Variants in ATRNL1 observed in about 807,000 individuals in gnomAD.
The protein encoded by ATRNL1 is attractin-like protein 1.
A neutral mutation model predicts 182.7 loss-of-function variants in ATRNL1; 95 were observed. The ratio of observed to expected loss-of-function variants is 0.52; its 90% CI spans 0.44 to 0.62. ATRNL1 has a LOEUF of 0.62. Among genes scored for constraint, ATRNL1 ranks in the 20% least tolerant of loss-of-function variants. ATRNL1 has a pLI of 0.00. For missense variants in ATRNL1, 1,471 were observed against 1,679.5 expected (o/e 0.88, Z 2.17); for synonymous variants, 576 against 568.3 (o/e 1.01, Z -0.19).
intron 20 of ATRNL1, among the ~76,000 whole-genome samples, chr10:115,401,573 C>G (rs1844565328): frequency 6.6e-6 from 1 of 152,084 alleles, no homozygotes; most frequent in Non-Finnish European, 1.5e-5. Context: ...AAATAATTCC[C>G]TAGCTTAAAA....
At chr10:115,464,903 T>C (rs1304732775) in intron 22 of ATRNL1, among the ~76,000 whole-genome samples, 12 of 151,634 alleles carry the variant, frequency 7.9e-5, no homozygotes, top group African/African-American at 2.9e-4. Flanking sequence ...TGGGTGAAGA[T>C]GAAGATGAAG....
intron 21 of ATRNL1, among the ~76,000 whole-genome samples, chr10:115,431,431 A>G (rs933229110): frequency 3.6e-4 from 54 of 151,160 alleles, no homozygotes; most frequent in African/African-American, 1.3e-3. Context: ...AAAAGAAAAG[A>G]TATAATATTC....
chr10:115,253,938 A>G (rs1311796395), intron 10 of ATRNL1, among the ~76,000 whole-genome samples: 3 of 152,090 alleles, frequency 2.0e-5, no homozygotes, highest in Non-Finnish European at 2.9e-5. Flanking sequence ...TTCCAGCTTC[A>G]TCCATGTCCC....
At chr10:115,673,784 A>G (rs1945775228) in intron 26 of ATRNL1, among the ~76,000 whole-genome samples, 1 of 152,034 alleles carries the variant, frequency 6.6e-6, no homozygotes, top group South Asian at 2.1e-4. Flanking sequence ...ATGTGGACTG[A>G]CCTTACCAAC....
chr10:115,659,505 T>G (rs1860541029), intron 26 of ATRNL1, among the ~76,000 whole-genome samples: 1 of 152,262 alleles, frequency 6.6e-6, no homozygotes, highest in South Asian at 2.1e-4. Flanking sequence ...TCCATGTAAG[T>G]TATGCCAGCA....
intron 20 of ATRNL1, among the ~76,000 whole-genome samples, chr10:115,396,362 G>T (rs1166154919): frequency 2.0e-5 from 3 of 151,862 alleles, no homozygotes; most frequent in Non-Finnish European, 2.9e-5. Flanking sequence ...TATAAGTAAG[G>T]CCAACTTCAT....
chr10:115,188,737 G>A (rs1370653969), intron 8 of ATRNL1, among the ~76,000 whole-genome samples: 1 of 41,340 alleles, frequency 2.4e-5, no homozygotes, highest in East Asian at 2.7e-4. Context: ...TTAATATCAC[G>A]TTTTTAAAAA....
chr10:115,372,678 ACT>A, intron 19 of ATRNL1, among the ~76,000 whole-genome samples: 1 of 152,018 alleles, frequency 6.6e-6, no homozygotes. Flanking sequence ...AGATCAATAG[ACT>A]CTATGGTTAT....
chr10:115,905,915 A>G (rs1055710492), intron 28 of ATRNL1, among the ~76,000 whole-genome samples: 7 of 152,228 alleles, frequency 4.6e-5, no homozygotes, highest in Admixed American at 6.5e-5. Context: ...TCAAGCTTCT[A>G]TATCAGCTTA....
At chr10:115,227,376 G>A (rs573956578) in intron 9 of ATRNL1, among the ~76,000 whole-genome samples, 2 of 152,110 alleles carry the variant, frequency 1.3e-5, no homozygotes, top group Admixed American at 6.6e-5. Flanking sequence ...AGTCAGAATG[G>A]CTATTTTTAA....
intron 27 of ATRNL1, among the ~76,000 whole-genome samples, chr10:115,769,868 T>TA (rs1948944105): frequency 6.6e-6 from 1 of 152,168 alleles, no homozygotes; most frequent in Admixed American, 6.5e-5. Context: ...TTCTTACTGC[T>TA]AAAATCTGTG....
At chr10:115,896,412 G>A (rs968342058) in intron 28 of ATRNL1, among the ~76,000 whole-genome samples, 10 of 151,812 alleles carry the variant, frequency 6.6e-5, no homozygotes, top group Middle Eastern at 3.4e-3. Context: ...AGTGTAAATA[G>A]TTATCCTTTT....
intron 27 of ATRNL1, among the ~76,000 whole-genome samples, chr10:115,779,108 C>G (rs1949200847): frequency 2.0e-5 from 3 of 152,168 alleles, no homozygotes; most frequent in African/African-American, 4.8e-5. Flanking sequence ...CAATGTCCCC[C>G]ACCTGGTAGG....
intron 19 of ATRNL1, among the ~76,000 whole-genome samples, chr10:115,384,704 A>G (rs1228843663): frequency 6.6e-6 from 1 of 152,158 alleles, no homozygotes; most frequent in African/African-American, 2.4e-5. Context: ...TGGGTCATAC[A>G]AAAGTAAAAG....
intron 26 of ATRNL1, among the ~76,000 whole-genome samples, chr10:115,684,145 G>A (rs2133956895): frequency 6.6e-6 from 1 of 151,436 alleles, no homozygotes; most frequent in African/African-American, 2.4e-5. Context: ...TAGATACCTG[G>A]TAATTTCTGT....
At chr10:115,156,643 G>A (rs1361922985) in intron 5 of ATRNL1, among the ~76,000 whole-genome samples, 3 of 152,052 alleles carry the variant, frequency 2.0e-5, no homozygotes, top group Admixed American at 6.6e-5. Flanking sequence ...TTTTAAAACT[G>A]TGCATAACCT....
At chr10:115,286,607 C>G (rs1016921936) in intron 15 of ATRNL1, among the ~76,000 whole-genome samples, 3 of 151,982 alleles carry the variant, frequency 2.0e-5, no homozygotes, top group Admixed American at 1.3e-4. Context: ...GAGTAAACCA[C>G]TGTATTACCT....
chr10:115,122,311 T>C (rs1460890599), intron 3 of ATRNL1, among the ~76,000 whole-genome samples: 1 of 151,840 alleles, frequency 6.6e-6, no homozygotes, highest in Non-Finnish European at 1.5e-5. Context: ...AATATTTTAT[T>C]GTTAGTCGTA....
intron 1 of ATRNL1, among the ~76,000 whole-genome samples, chr10:115,102,566 C>T (rs541285886): frequency 1.3e-5 from 2 of 152,246 alleles, no homozygotes; most frequent in Admixed American, 6.5e-5. Context: ...GCCTCAGCCT[C>T]TTGAGCAGCT....
Sources: allele counts gnomAD v4.1 joint callset (sites outside exome capture counted in the v4.1 genomes callset), GRCh38; gene constraint gnomAD v4.1.1; transcripts MANE v1.5; gene names NCBI Gene and HGNC (gene_info 2026-07-23, HGNC 2026-07-21).